The following ME3 variants were observed in gnomAD, a reference collection of about 807,000 sequenced individuals.
ME3 encodes malic enzyme 3.
In ME3, 48 loss-of-function variants were observed where a neutral mutation model predicts 68.9. The observed-to-expected ratio is 0.70, with a 90% CI of 0.55 to 0.89. ME3 has a LOEUF of 0.89. Among genes scored for constraint, ME3 ranks in the 40% least tolerant of loss-of-function variants. ME3 has a pLI of 0.00. For missense variants in ME3, 675 were observed against 797.4 expected (o/e 0.85, Z 1.85); for synonymous variants, 320 against 318.8 (o/e 1.00, Z -0.04).
At chr11:86,450,897 A>G (rs1195132045) in intron 8 of ME3, among the ~76,000 whole-genome samples, 2 of 152,228 alleles carry the variant, frequency 1.3e-5, no homozygotes, top group Non-Finnish European at 2.9e-5. Context: ...TATGTCTGGA[A>G]GGGACAAGTA....
At chr11:86,507,976 CAAA>C (rs60253913) in intron 5 of ME3, among the ~76,000 whole-genome samples, 12 of 143,212 alleles carry the variant, frequency 8.4e-5, no homozygotes, top group Admixed American at 1.4e-4. Context: ...GACTCTGTCT[CAAA>C]AAAAAAAAAA....
chr11:86,449,948 G>A (rs753005487), exon 10 of ME3: 3 of 1,613,914 alleles, frequency 1.9e-6, no homozygotes. Context: ...TCTGCCTTCG[G>A]TACACCTTCT....
intron 2 of ME3, among the ~76,000 whole-genome samples, chr11:86,561,489 A>G (rs193031831): frequency 3.9e-5 from 6 of 152,316 alleles, no homozygotes; most frequent in Admixed American, 1.3e-4. Context: ...ATTTTTCTGT[A>G]TTTAACCATC....
At chr11:86,533,253 C>T (rs371641994) in intron 4 of ME3, among the ~76,000 whole-genome samples, 2 of 151,210 alleles carry the variant, frequency 1.3e-5, no homozygotes, top group Admixed American at 6.6e-5. Flanking sequence ...ATTGACAAAC[C>T]CTTAGCTATA....
chr11:86,563,637 G>T (rs1173373811), intron 2 of ME3, among the ~76,000 whole-genome samples: 4 of 152,066 alleles, frequency 2.6e-5, no homozygotes. Flanking sequence ...ATGGTAAAAC[G>T]AAGAGGTCCA....
At chr11:86,559,959 T>C (rs973225291) in intron 2 of ME3, 136 bp from the exon 3 acceptor site, 3 of 893,786 alleles carry the variant, frequency 3.4e-6, no homozygotes, top group Non-Finnish European at 3.1e-6. Context: ...ATTCCACCTC[T>C]GCTATTAAAG....
intron 4 of ME3, among the ~76,000 whole-genome samples, chr11:86,537,176 A>G (rs2139317995): frequency 6.6e-6 from 1 of 150,870 alleles, no homozygotes; most frequent in South Asian, 2.1e-4. Flanking sequence ...TGGGAGATAC[A>G]CCTAATGCTA....
At chr11:86,458,912 C>T (rs1950089132) in intron 8 of ME3, among the ~76,000 whole-genome samples, 1 of 152,220 alleles carries the variant, frequency 6.6e-6, no homozygotes, top group Admixed American at 6.5e-5. Context: ...CCCACACCTT[C>T]CCTCTCCAAC....
chr11:86,548,118 G>A lies in ME3; in HGVS notation c.467+8435C>T, dbSNP rs148578641. On this transcript the variant is annotated intron_variant, in intron 4 of 14. Transcript: ENST00000543262. Reference sequence around the variant, plus strand: ...CTGAGGAGTGTCCGTCCTTTCCCCAGAGCAAGCTGCTCCTTCTGGATGCTA... The same window carrying A: ...CTGAGGAGTGTCCGTCCTTTCCCCAAAGCAAGCTGCTCCTTCTGGATGCTA... 1.2e-3 allele frequency among the ~76,000 whole-genome samples: 183 copies of A among 152,304 alleles called. 1 individual carries two copies. Among genetic ancestry groups the A allele is most frequent in the Admixed American group, 3.7e-3 (57 of 15,308 alleles).
At chr11:86,669,510 G>A (rs1431432379) in intron 2 of ME3, among the ~76,000 whole-genome samples, 1 of 152,182 alleles carries the variant, frequency 6.6e-6, no homozygotes, top group Non-Finnish European at 1.5e-5. Context: ...AGGGTGGCAG[G>A]AGAGAGAATG....
At position 86,543,743 on chromosome 11, in the gene ME3, C is replaced by T. The variant is rs150548990; in HGVS notation, c.467+12810G>A. ...ACCCTACTGTCAGCATTAGACAGATCAATGAGACATAAAATTAACAAGGAT... is the reference window on the plus strand; with the variant it reads ...ACCCTACTGTCAGCATTAGACAGATTAATGAGACATAAAATTAACAAGGAT... On this transcript the variant is annotated intron_variant, in intron 4 of 14. Coordinates refer to ENST00000543262, the Ensembl canonical transcript of ME3. 4.0e-3 allele frequency among the ~76,000 whole-genome samples: 610 copies of T among 152,280 alleles called. 6 individuals are homozygous for T. The highest frequency in any genetic ancestry group is 0.014 in the African/African-American group (592 of 41,548).
chr11:86,497,869 G>T, intron 6 of ME3, 94 bp downstream of exon 6: 1 of 1,351,048 alleles, frequency 7.4e-7, no homozygotes. Flanking sequence ...ATGGCCCATT[G>T]CTGTGTAGAT....
chr11:86,465,477 C>T (rs961461422), intron 7 of ME3, among the ~76,000 whole-genome samples: 1 of 152,074 alleles, frequency 6.6e-6, no homozygotes, highest in Non-Finnish European at 1.5e-5. Flanking sequence ...GCTGGTGGCT[C>T]CCATGGCTGC....
chr11:86,474,816 G>A (rs1336567622), intron 7 of ME3, among the ~76,000 whole-genome samples: 1 of 152,196 alleles, frequency 6.6e-6, no homozygotes, highest in African/African-American at 2.4e-5. Flanking sequence ...TGCAGGCAAG[G>A]CCATTGGCTG....
intron 2 of ME3, among the ~76,000 whole-genome samples, chr11:86,574,051 T>A (rs1957950499): frequency 6.6e-6 from 1 of 152,170 alleles, no homozygotes; most frequent in Admixed American, 6.5e-5. Flanking sequence ...TATTGAGGAT[T>A]TATTGAGGTC....
At chr11:86,620,050 T>C (rs1943245708) in intron 2 of ME3, among the ~76,000 whole-genome samples, 1 of 152,194 alleles carries the variant, frequency 6.6e-6, no homozygotes, top group Non-Finnish European at 1.5e-5. Flanking sequence ...CAAAAATAAA[T>C]AATAAAAAGT....
chr11:86,490,781 G>A (rs1195724342), intron 6 of ME3, among the ~76,000 whole-genome samples: 15 of 152,220 alleles, frequency 9.9e-5, no homozygotes, highest in Non-Finnish European at 1.5e-5. Context: ...TCCATGGTGA[G>A]TTATAATTTG....
chr11:86,648,861 C>T (rs1022595637), intron 2 of ME3, among the ~76,000 whole-genome samples: 15 of 152,154 alleles, frequency 9.9e-5, no homozygotes, highest in Admixed American at 2.6e-4. Context: ...CAGGACCAGG[C>T]GGATTCACAG....
intron 2 of ME3, among the ~76,000 whole-genome samples, chr11:86,662,651 T>G (rs543079909): frequency 2.0e-5 from 3 of 152,328 alleles, no homozygotes; most frequent in African/African-American, 7.2e-5. Flanking sequence ...AATAACAGTG[T>G]CTACCTCAAA....
Sources: gnomAD v4.1 joint callset for allele counts (sites outside exome capture counted in the v4.1 genomes callset) on GRCh38, gnomAD v4.1.1 for gene constraint, MANE v1.5 for transcripts, NCBI Gene and HGNC (gene_info 2026-07-23, HGNC 2026-07-21) for gene names.